The following ARID1A variants were observed in gnomAD, a reference collection of about 807,000 sequenced individuals.
ARID1A encodes AT-rich interactive domain-containing protein 1A.
ARID1A carries 20 observed loss-of-function variants against 212.6 expected under a neutral mutation model. That is an observed-to-expected ratio of 0.09 (90% CI 0.07 to 0.14). The LOEUF (loss-of-function observed/expected upper bound fraction) is 0.14, where lower values mean the gene tolerates loss of function less well. Among genes scored for constraint, ARID1A ranks in the 10% least tolerant of loss-of-function variants. ARID1A has a pLI of 1.00. For synonymous variants in ARID1A, 1,376 were observed against 1,222.1 expected (o/e 1.13, Z -2.63); for missense variants, 2,587 against 3,059.0 (o/e 0.85, Z 3.64).
Position 26,773,007 on chromosome 1 carries a change from T to C in ARID1A, c.3715+20T>C. Reference sequence around the variant, plus strand: ...GGAAAGGTGACTGATCTGATTGCTATTTGAACTTGTGCTCGTAAAGACAGG... The same window carrying C: ...GGAAAGGTGACTGATCTGATTGCTACTTGAACTTGTGCTCGTAAAGACAGG... On this transcript the variant is annotated intron_variant, in intron 14 of 19. Transcript: ENST00000324856. 2 of 1,595,564 alleles carry C rather than the reference T, an allele frequency of 1.3e-6. No individual in the cohort carries two copies. Among genetic ancestry groups the C allele is most frequent in the Non-Finnish European group, 1.7e-6 (2 of 1,166,388 alleles).
chr1:26,778,234 A>C (rs2081155640), intron 19 of ARID1A: 1 of 151,840 alleles, frequency 6.6e-6, no homozygotes, highest in South Asian at 2.1e-4. Context: ...ACTGTACTCC[A>C]GCCTGGATGA....
rs376278666 is a variant in ARID1A, at chr1:26,772,180, T to C, written c.3407-320T>C. ...CATGCACCAGCATTACAGGGTTTAG[T>C]AGGTTAGACAAGGTCCTTTGGCGGA... On this transcript the variant is annotated intron_variant, in intron 12 of 19. Transcript: ENST00000324856. 9.1e-5 allele frequency: 30 copies of C among 329,176 alleles called. No homozygotes were observed. In the East Asian group the frequency reaches 1.4e-3, roughly 15 times the overall value. 20.4% of individuals were successfully genotyped at this position (329,176 alleles called of 1,614,324 possible). A position where few individuals can be genotyped will look rare whatever the true frequency, so the allele number is the denominator to read the frequency against.
chr1:26,770,512 CTT>C (rs1034912958), intron 11 of ARID1A: 1 of 152,240 alleles, frequency 6.6e-6, no homozygotes, highest in Non-Finnish European at 1.5e-5. Context: ...AATCCCAACA[CTT>C]TGGGAGGCTG....
chr1:26,779,451 C>G lies in ARID1A; in HGVS notation c.5553C>G (p.Thr1851=), dbSNP rs1428541892. 1.2e-6 allele frequency: 2 copies of G among 1,613,968 alleles called. No homozygotes were observed. Among genetic ancestry groups the G allele is most frequent in the African/African-American group, 2.7e-5 (2 of 74,870 alleles). Reference sequence around the variant, plus strand: ...ACTGGCGGATTGGTGGGGGGGACACCACTGAGCATATCCAGACCCACTTCG... The same window carrying G: ...ACTGGCGGATTGGTGGGGGGGACACGACTGAGCATATCCAGACCCACTTCG... ...LLHWRIGGGD[T]TEHIQTHFES... Residue 1851 remains threonine, a synonymous_variant, in exon 20 of 20, where the codon ACC becomes ACG. Transcript: ENST00000324856.
chr1:26,717,668 A>G (rs1234644012), intron 1 of ARID1A, among the ~76,000 whole-genome samples: 11 of 152,220 alleles, frequency 7.2e-5, no homozygotes, highest in African/African-American at 2.7e-4. Flanking sequence ...TGAATTAAAC[A>G]TACACAGGAC....
rs2124070018 is a variant in ARID1A, at chr1:26,763,212, C to G, written c.2659C>G (p.Pro887Ala). The stretch of plus-strand genomic sequence containing the variant: ...GGTTGGGTCAGGGATGTGTCCCCCA[C>G]CAGGGGGCATGAACCGGAAAACCCA... ...PQVGSGMCPP[P>A]GGMNRKTQET... The change falls in exon 8 of 20, where the codon CCA becomes GCA. Residue 887 changes from proline to alanine, a missense_variant. Around this residue, in one of 11 missense-constraint regions of ARID1A, gnomAD observed 674 missense variants for 813.4 expected, o/e 0.83. Transcript: ENST00000324856. 1 of 1,614,062 alleles carries G rather than the reference C, an allele frequency of 6.2e-7. No individual in the cohort carries two copies. The highest frequency in any genetic ancestry group is 1.1e-5 in the South Asian group (1 of 91,086).
intron 1 of ARID1A, among the ~76,000 whole-genome samples, chr1:26,717,644 A>G (rs946838673): frequency 2.6e-5 from 4 of 152,218 alleles, no homozygotes; most frequent in African/African-American, 9.6e-5. Context: ...TCTGGATGCT[A>G]GAGGATACAG....
chr1:26,739,044 G>A (rs551251900), intron 4 of ARID1A, among the ~76,000 whole-genome samples: 10 of 150,982 alleles, frequency 6.6e-5, no homozygotes, highest in Non-Finnish European at 1.2e-4. Flanking sequence ...CCACCACCAC[G>A]CCTGGCTAAT....
intron 1 of ARID1A, among the ~76,000 whole-genome samples, chr1:26,698,129 C>A (rs1462987807): frequency 6.6e-6 from 1 of 152,222 alleles, no homozygotes; most frequent in African/African-American, 2.4e-5. Flanking sequence ...GGCCCAGTGG[C>A]CTGGGCTTCT....
chr1:26,722,373 G>A (rs555393138), intron 1 of ARID1A, among the ~76,000 whole-genome samples: 1 of 152,266 alleles, frequency 6.6e-6, no homozygotes, highest in South Asian at 2.1e-4. Flanking sequence ...AGCCTCCCGA[G>A]TAGCTGGGAT....
intron 1 of ARID1A, among the ~76,000 whole-genome samples, chr1:26,724,385 C>G (rs754713445): frequency 6.6e-6 from 1 of 152,082 alleles, no homozygotes; most frequent in Non-Finnish European, 1.5e-5. Context: ...TTTCTATTTC[C>G]TTGGATTGGA....
In ARID1A at chr1:26,697,450, C is replaced by T. The variant is rs2124745016; in HGVS notation, c.1047C>T (p.Ala349=). ...AAAAAAAAAA[A]SGGAQQRSHH... ...CGGCGGCAGCTGCGGCGGCGGCCGCCTCGGGAGGGGCCCAACAAAGGAGCC... is the reference window on the plus strand; with the variant it reads ...CGGCGGCAGCTGCGGCGGCGGCCGCTTCGGGAGGGGCCCAACAAAGGAGCC... The change falls in exon 1 of 20, where the codon GCC becomes GCT. Residue 349 remains alanine, a synonymous_variant. Transcript: ENST00000324856. 6 of 1,364,392 alleles carry T rather than the reference C, an allele frequency of 4.4e-6. No individual in the cohort carries two copies. Among genetic ancestry groups the T allele is most frequent in the Non-Finnish European group, 5.6e-6 (6 of 1,069,468 alleles). The allele number at this position is 1,364,392 out of a possible 1,614,324, so 84.5% of individuals were successfully genotyped here.
chr1:26,744,069 G>A (rs896925300), intron 4 of ARID1A, among the ~76,000 whole-genome samples: 1 of 152,082 alleles, frequency 6.6e-6, no homozygotes, highest in African/African-American at 2.4e-5. Context: ...GTCTCGAAAA[G>A]GAAATCCCCA....
At chr1:26,708,474 T>G (rs542891487) in intron 1 of ARID1A, among the ~76,000 whole-genome samples, 7 of 149,798 alleles carry the variant, frequency 4.7e-5, no homozygotes, top group Non-Finnish European at 8.9e-5. Context: ...TTAGTAGAGA[T>G]GGGGTTTCAC....
chr1:26,778,979 C>T (rs2124136072), intron 19 of ARID1A, 44 bp from the exon 20 acceptor site: 1 of 1,489,878 alleles, frequency 6.7e-7, no homozygotes, highest in East Asian at 2.3e-5. Context: ...TGTTCTTAGG[C>T]CACTTTTCTC....
chr1:26,705,388 C>G (rs931684993), intron 1 of ARID1A, among the ~76,000 whole-genome samples: 1 of 151,942 alleles, frequency 6.6e-6, no homozygotes, highest in Non-Finnish European at 1.5e-5. Context: ...GATCCACCCA[C>G]CTTGGCCTTC....
At chr1:26,777,368 G>C (rs946394032) in intron 19 of ARID1A, among the ~76,000 whole-genome samples, 1 of 151,068 alleles carries the variant, frequency 6.6e-6, no homozygotes, top group African/African-American at 2.4e-5. Context: ...CTACAGGTGC[G>C]TGCAAACATG....
intron 4 of ARID1A, among the ~76,000 whole-genome samples, chr1:26,744,050 T>G (rs1002957052): frequency 6.6e-6 from 1 of 152,172 alleles, no homozygotes; most frequent in African/African-American, 2.4e-5. Context: ...GCCCAGGTGC[T>G]CTCTCAGAGT....
chr1:26,760,786 A>T (rs2124052910), intron 4 of ARID1A, 70 bp from the exon 5 acceptor site: 1 of 1,486,056 alleles, frequency 6.7e-7, no homozygotes, highest in Non-Finnish European at 9.2e-7. Flanking sequence ...CTAAGCAAGT[A>T]GTAGGATTAT....
Sources: allele counts gnomAD v4.1 joint callset (sites outside exome capture counted in the v4.1 genomes callset), GRCh38; gene constraint gnomAD v4.1.1; regional missense constraint gnomAD v4.1.1; transcripts MANE v1.5; gene names NCBI Gene and HGNC (gene_info 2026-07-23, HGNC 2026-07-21).